Variants in LRMDA observed in about 807,000 individuals in gnomAD.
The protein encoded by LRMDA is leucine rich melanocyte differentiation associated, also known as leucine-rich melanocyte differentiation-associated protein.
LRMDA carries 18 observed loss-of-function variants against 29.8 expected under a neutral mutation model. The ratio of observed to expected loss-of-function variants is 0.60; its 90% CI spans 0.42 to 0.90. LRMDA has a LOEUF of 0.90. Among genes scored for constraint, LRMDA ranks in the 40% least tolerant of loss-of-function variants. The pLI is 0.00. For missense variants in LRMDA, 273 were observed against 273.9 expected (o/e 1.00, Z 0.02); for synonymous variants, 125 against 109.4 (o/e 1.14, Z -0.89).
chr10:76,143,380 C>T (rs1320220021), intron 5 of LRMDA, among the ~76,000 whole-genome samples: 1 of 151,560 alleles, frequency 6.6e-6, no homozygotes, highest in Non-Finnish European at 1.5e-5. Context: ...TAATGATTGC[C>T]ATTCTAACTG....
intron 5 of LRMDA, among the ~76,000 whole-genome samples, chr10:76,259,208 A>G (rs1191562993): frequency 6.6e-6 from 1 of 152,062 alleles, no homozygotes; most frequent in Non-Finnish European, 1.5e-5. Flanking sequence ...CGTTTCCTTG[A>G]TGATTAGTGA....
intron 2 of LRMDA, among the ~76,000 whole-genome samples, chr10:75,526,440 C>T (rs745899604): frequency 8.6e-5 from 13 of 151,898 alleles, no homozygotes; most frequent in African/African-American, 2.7e-4. Flanking sequence ...ATGAAACCCA[C>T]GAATCTTTTG....
At chr10:76,474,983 C>T (rs1000313211) in intron 6 of LRMDA, among the ~76,000 whole-genome samples, 1 of 151,552 alleles carries the variant, frequency 6.6e-6, no homozygotes, top group Non-Finnish European at 1.5e-5. Context: ...TTGATGAGTG[C>T]ATAAATAAAA....
chr10:76,381,787 A>G (rs1275342591), intron 6 of LRMDA, among the ~76,000 whole-genome samples: 1 of 152,190 alleles, frequency 6.6e-6, no homozygotes, highest in East Asian at 1.9e-4. Flanking sequence ...CTACTCAGCT[A>G]CCATCTTGTA....
At position 76,363,117 on chromosome 10, in the gene LRMDA, G is replaced by GAAAGAA. The variant is rs1414587008; in HGVS notation, c.601+38634_601+38639dup. 3.8e-3 allele frequency among the ~76,000 whole-genome samples: 47 copies of GAAAGAA among 12,218 alleles called. No homozygotes were observed. The South Asian group carries it at 0.13, about 34-fold the overall frequency. The allele number at this position is 12,218 out of a possible 152,430, so 8.0% of individuals were successfully genotyped here. On this transcript the variant is annotated intron_variant, in intron 6 of 6. Coordinates refer to ENST00000611255, the MANE Select transcript of LRMDA (RefSeq NM_001305581.2). ...TAGAGGTTTCAGCCTGTGGAGTAAGGAAAGAAAGAAAGAAAGAAAGAAAGA... is the reference window on the plus strand; with the variant it reads ...TAGAGGTTTCAGCCTGTGGAGTAAGGAAAGAAAAAGAAAGAAAGAAAGAAAGAAAGA...
intron 6 of LRMDA, among the ~76,000 whole-genome samples, chr10:76,468,384 G>A (rs987652157): frequency 6.6e-6 from 1 of 152,158 alleles, no homozygotes; most frequent in African/African-American, 2.4e-5. Flanking sequence ...TCACTGGCTG[G>A]CAAGTTTTGA....
chr10:76,557,090 A>T (rs965866942), intron 6 of LRMDA, 119 bp from the exon 7 acceptor site: 2 of 771,668 alleles, frequency 2.6e-6, no homozygotes, highest in African/African-American at 3.4e-5. Flanking sequence ...CTGGAGCTTC[A>T]TCCACTTTCT....
chr10:75,926,556 T>C (rs1040713118), intron 2 of LRMDA, among the ~76,000 whole-genome samples: 17 of 152,212 alleles, frequency 1.1e-4, no homozygotes, highest in African/African-American at 3.9e-4. Flanking sequence ...ATCTTGATTT[T>C]ATGCAGTATA....
chr10:76,223,714 A>G (rs1851893535), intron 5 of LRMDA, among the ~76,000 whole-genome samples: 1 of 152,050 alleles, frequency 6.6e-6, no homozygotes, highest in Non-Finnish European at 1.5e-5. Flanking sequence ...CCATGCTGAC[A>G]CCTGATTTGT....
At chr10:75,703,350 C>T (rs896504653) in intron 2 of LRMDA, among the ~76,000 whole-genome samples, 3 of 152,176 alleles carry the variant, frequency 2.0e-5, no homozygotes, top group African/African-American at 7.2e-5. Flanking sequence ...GGGATAACTG[C>T]AGATCTGCCG....
intron 2 of LRMDA, chr10:75,552,699 A>G: frequency 3.1e-6 from 1 of 320,342 alleles, no homozygotes; most frequent in Non-Finnish European, 6.2e-6. Context: ...TACTTTTGGG[A>G]TTCAAAATAT....
At chr10:76,213,190 G>T (rs1851667141) in intron 5 of LRMDA, among the ~76,000 whole-genome samples, 1 of 152,186 alleles carries the variant, frequency 6.6e-6, no homozygotes, top group African/African-American at 2.4e-5. Flanking sequence ...TGGCTAATTT[G>T]CAGACCTGCT....
chr10:76,508,086 C>T (rs764977610), intron 6 of LRMDA, among the ~76,000 whole-genome samples: 5 of 152,026 alleles, frequency 3.3e-5, no homozygotes, highest in South Asian at 2.1e-4. Flanking sequence ...GCATATTTGG[C>T]CAGAATAGCA....
At chr10:76,009,215 C>T (rs981007422) in intron 2 of LRMDA, among the ~76,000 whole-genome samples, 3 of 152,176 alleles carry the variant, frequency 2.0e-5, no homozygotes, top group African/African-American at 7.2e-5. Flanking sequence ...AAGGTAGGTG[C>T]TCCCACTAGC....
At chr10:76,079,763 G>A (rs1849020588) in intron 5 of LRMDA, among the ~76,000 whole-genome samples, 1 of 152,164 alleles carries the variant, frequency 6.6e-6, no homozygotes, top group Non-Finnish European at 1.5e-5. Context: ...TGATGGAGAT[G>A]GATTTTTTGT....
intron 2 of LRMDA, among the ~76,000 whole-genome samples, chr10:75,942,154 G>A (rs766842694): frequency 2.6e-5 from 4 of 152,026 alleles, no homozygotes; most frequent in Non-Finnish European, 4.4e-5. Context: ...CTTCCTCAGC[G>A]ACGTGCAGCC....
intron 2 of LRMDA, among the ~76,000 whole-genome samples, chr10:75,909,132 G>A (rs1432535079): frequency 6.6e-6 from 1 of 152,150 alleles, no homozygotes; most frequent in Non-Finnish European, 1.5e-5. Flanking sequence ...TGACCTTGGG[G>A]AATGCAATCA....
At chr10:75,716,281 TG>T (rs1487537802) in intron 2 of LRMDA, among the ~76,000 whole-genome samples, 1 of 152,238 alleles carries the variant, frequency 6.6e-6, no homozygotes, top group African/African-American at 2.4e-5. Context: ...GGAGAGATTT[TG>T]AATTGAGGGT....
At chr10:75,509,919 G>T (rs1217989453) in intron 2 of LRMDA, among the ~76,000 whole-genome samples, 1 of 152,150 alleles carries the variant, frequency 6.6e-6, no homozygotes, top group Non-Finnish European at 1.5e-5. Flanking sequence ...GCTACTGATT[G>T]TGTGACTCTG....
Sources: gnomAD v4.1 joint callset for allele counts (sites outside exome capture counted in the v4.1 genomes callset) on GRCh38, gnomAD v4.1.1 for gene constraint, MANE v1.5 for transcripts, NCBI Gene and HGNC (gene_info 2026-07-23, HGNC 2026-07-21) for gene names.